The following CEP112 variants were observed in gnomAD, a reference collection of about 807,000 sequenced individuals.
CEP112 encodes centrosomal protein of 112 kDa.
A neutral mutation model predicts 153.0 loss-of-function variants in CEP112; 127 were observed. That is an observed-to-expected ratio of 0.83 (90% CI 0.72 to 0.96). The LOEUF (loss-of-function observed/expected upper bound fraction) is 0.96, where lower values mean the gene tolerates loss of function less well. CEP112 is among the 40% of genes least tolerant of loss of function. The pLI is 0.00. For missense variants in CEP112, 1,089 were observed against 1,101.2 expected, an observed-to-expected ratio of 0.99 and a Z score of 0.16; for synonymous variants, 358 against 374.4, an observed-to-expected ratio of 0.96 and a Z score of 0.51.
chr17:65,898,022 G>A (rs541040035), intron 20 of CEP112, among the ~76,000 whole-genome samples: 10 of 152,022 alleles, frequency 6.6e-5, no homozygotes, highest in Admixed American at 4.6e-4. Flanking sequence ...TAAAATTTCC[G>A]CTTAACTGTA....
At chr17:65,928,344 T>C (rs759142679) in intron 18 of CEP112, among the ~76,000 whole-genome samples, 10 of 152,206 alleles carry the variant, frequency 6.6e-5, no homozygotes, top group Non-Finnish European at 1.2e-4. Flanking sequence ...TAAAATGGTA[T>C]AGACATGCTG....
chr17:65,936,655 A>G lies in CEP112; in HGVS notation c.1873-8966T>C, dbSNP rs962102586. Reference sequence around the variant, plus strand: ...TATGCAAATCAATAAATGTTAGACAACGCATTAATAAAATGAAGAATAAAA... The same window carrying G: ...TATGCAAATCAATAAATGTTAGACAGCGCATTAATAAAATGAAGAATAAAA... On this transcript the variant is annotated intron_variant, in intron 18 of 26. Coordinates refer to ENST00000535342, the MANE Select transcript of CEP112 (RefSeq NM_001199165.4). Among the ~76,000 whole-genome samples, 3 of 149,074 alleles carry G rather than the reference A, an allele frequency of 2.0e-5. No individual in the cohort carries two copies. The East Asian group carries it at 6.4e-4, about 32-fold the overall frequency.
chr17:65,680,981 A>AG (rs2047493474), intron 24 of CEP112, among the ~76,000 whole-genome samples: 1 of 152,186 alleles, frequency 6.6e-6, no homozygotes, highest in African/African-American at 2.4e-5. Flanking sequence ...CCTCAACACC[A>AG]GGGGATTACA....
intron 21 of CEP112, among the ~76,000 whole-genome samples, chr17:65,763,074 A>G (rs1474160447): frequency 6.6e-6 from 1 of 152,034 alleles, no homozygotes; most frequent in African/African-American, 2.4e-5. Flanking sequence ...TTTTCGAGGT[A>G]CAGAATTCTA....
At chr17:65,944,645 G>A (rs1262914097) in intron 18 of CEP112, among the ~76,000 whole-genome samples, 7 of 152,012 alleles carry the variant, frequency 4.6e-5, no homozygotes, top group Admixed American at 1.3e-4. Flanking sequence ...AGTGCAGTGC[G>A]GTGGAGTGAC....
chr17:65,796,342 G>A (rs1018773348), intron 21 of CEP112, among the ~76,000 whole-genome samples: 1 of 152,170 alleles, frequency 6.6e-6, no homozygotes, highest in African/African-American at 2.4e-5. Flanking sequence ...ATCAACCACT[G>A]CAGCCTGCCG....
intron 21 of CEP112, among the ~76,000 whole-genome samples, chr17:65,831,593 A>T (rs2057083689): frequency 6.6e-6 from 1 of 152,020 alleles, no homozygotes; most frequent in Admixed American, 6.5e-5. Context: ...AGAAAATCAC[A>T]AGCAAACATG....
At chr17:65,829,780 T>C (rs1222273382) in intron 21 of CEP112, among the ~76,000 whole-genome samples, 1 of 152,110 alleles carries the variant, frequency 6.6e-6, no homozygotes, top group Non-Finnish European at 1.5e-5. Flanking sequence ...AAAAGGTACA[T>C]CGTTTACATA....
intron 8 of CEP112, among the ~76,000 whole-genome samples, chr17:66,087,501 G>A: frequency 6.6e-6 from 1 of 152,116 alleles, no homozygotes; most frequent in Admixed American, 6.5e-5. Context: ...TTTTTAAAAT[G>A]TCATTTGTTT....
At chr17:65,730,727 T>C (rs2050455480) in intron 23 of CEP112, among the ~76,000 whole-genome samples, 2 of 151,830 alleles carry the variant, frequency 1.3e-5, no homozygotes, top group Middle Eastern at 3.2e-3. Flanking sequence ...TTTAGGACAG[T>C]AAGAATTGCC....
rs550883270 is a variant in CEP112, at chr17:65,969,608, CAT to C, written c.1737-8012_1737-8011del. On this transcript the variant is annotated intron_variant, in intron 17 of 26. Transcript: ENST00000535342. The stretch of plus-strand genomic sequence containing the variant: ...ACATATATTGCATGCACGAATATTA[CAT>C]GTGTGCCGCATGCACTGCACACATA... Among the ~76,000 whole-genome samples the C allele has an allele frequency of 2.7e-3, 407 of 152,290 alleles. 6 individuals carry two copies. Among genetic ancestry groups the C allele is most frequent in the African/African-American group, 9.4e-3 (390 of 41,554 alleles).
chr17:65,784,066 G>A (rs1199843377), intron 21 of CEP112, among the ~76,000 whole-genome samples: 2 of 152,376 alleles, frequency 1.3e-5, no homozygotes, highest in East Asian at 1.9e-4. Flanking sequence ...AGATGGCAAT[G>A]GATCAGAGAG....
At chr17:65,724,552 G>A (rs2050069230) in intron 23 of CEP112, among the ~76,000 whole-genome samples, 1 of 152,052 alleles carries the variant, frequency 6.6e-6, no homozygotes, top group Non-Finnish European at 1.5e-5. Flanking sequence ...TTTTCTCTCA[G>A]TAGCATATAA....
In CEP112 at chr17:66,053,860, T is replaced by G. The variant is rs2066558305; in HGVS notation, c.1094A>C (p.Glu365Ala). 1.2e-6 allele frequency: 2 copies of G among 1,612,948 alleles called. No homozygotes were observed. Among genetic ancestry groups the G allele is most frequent in the African/African-American group, 2.7e-5 (2 of 74,926 alleles). ...WEKKLHNAVAEMEQEKFDLQK... is the reference protein window; with the variant it reads ...WEKKLHNAVAAMEQEKFDLQK... ...AAGATCAAACTTTTCCTGTTCCATTTCTGCTACAGCATTGTGAAGCTACAT... is the reference window on the plus strand; with the variant it reads ...AAGATCAAACTTTTCCTGTTCCATTGCTGCTACAGCATTGTGAAGCTACAT... Residue 365 changes from glutamate (E) to alanine (A), a missense_variant, in exon 12 of 27, where the codon GAA becomes GCA. Transcript: ENST00000535342.
chr17:65,929,726 A>G (rs2061057302), intron 18 of CEP112, among the ~76,000 whole-genome samples: 1 of 152,246 alleles, frequency 6.6e-6, no homozygotes, highest in African/African-American at 2.4e-5. Context: ...TGCCTGGCAC[A>G]TACAGGGAAT....
chr17:66,131,697 T>C (rs2070174505), intron 5 of CEP112, among the ~76,000 whole-genome samples: 1 of 150,722 alleles, frequency 6.6e-6, no homozygotes, highest in South Asian at 2.1e-4. Flanking sequence ...GCCGAGATCA[T>C]GCAGGTGCCA....
At chr17:65,851,721 T>G in intron 21 of CEP112, 83 bp downstream of exon 21, 2 of 960,550 alleles carry the variant, frequency 2.1e-6, no homozygotes, top group South Asian at 3.1e-5. Flanking sequence ...TACTACCTTT[T>G]GGAGATTAAA....
At chr17:66,000,691 G>A (rs1478653691) in intron 17 of CEP112, among the ~76,000 whole-genome samples, 1 of 152,130 alleles carries the variant, frequency 6.6e-6, no homozygotes, top group Non-Finnish European at 1.5e-5. Flanking sequence ...GCATCTGGAG[G>A]AGCAGGAATA....
At chr17:65,786,171 C>T (rs2054265094) in intron 21 of CEP112, among the ~76,000 whole-genome samples, 1 of 152,082 alleles carries the variant, frequency 6.6e-6, no homozygotes, top group African/African-American at 2.4e-5. Flanking sequence ...TTAATTATTT[C>T]ATGCTATTTT....
Sources: gnomAD v4.1 joint callset for allele counts (sites outside exome capture counted in the v4.1 genomes callset) on GRCh38, gnomAD v4.1.1 for gene constraint, MANE v1.5 for transcripts, NCBI Gene and HGNC (gene_info 2026-07-23, HGNC 2026-07-21) for gene names.